Variants in STIM1 observed in about 807,000 individuals in gnomAD.
The protein encoded by STIM1 is stromal interaction molecule 1.
Under a neutral mutation model 74.7 loss-of-function variants are expected in STIM1, and 25 were observed. The observed-to-expected ratio is 0.33, with a 90% CI of 0.24 to 0.47. The LOEUF (loss-of-function observed/expected upper bound fraction) is 0.47, where lower values mean the gene tolerates loss of function less well. STIM1 is among the 20% of genes least tolerant of loss of function. STIM1 has a pLI of 1.00. For synonymous variants in STIM1, 328 were observed against 348.8 expected, an observed-to-expected ratio of 0.94 and a Z score of 0.66; for missense variants, 728 against 920.8, an observed-to-expected ratio of 0.79 and a Z score of 2.71.
chr11:3,989,873 A>C (rs2093593047), intron 2 of STIM1, among the ~76,000 whole-genome samples: 1 of 152,226 alleles, frequency 6.6e-6, no homozygotes, highest in African/African-American at 2.4e-5. Flanking sequence ...CTAACCTATC[A>C]ATTTTAAAAA....
chr11:4,025,551 T>A (rs1381813629), intron 3 of STIM1, among the ~76,000 whole-genome samples: 1 of 152,210 alleles, frequency 6.6e-6, no homozygotes, highest in Non-Finnish European at 1.5e-5. Flanking sequence ...TAGTTTTGGC[T>A]TTCTTATTTT....
intron 1 of STIM1, among the ~76,000 whole-genome samples, chr11:3,952,857 C>T (rs527708770): frequency 6.6e-6 from 1 of 152,276 alleles, no homozygotes; most frequent in East Asian, 1.9e-4. Context: ...GGCTGTCTAC[C>T]AGGAGTCTGA....
chr11:3,894,082 C>G (rs2091982106), intron 1 of STIM1, among the ~76,000 whole-genome samples: 1 of 151,930 alleles, frequency 6.6e-6, no homozygotes, highest in Non-Finnish European at 1.5e-5. Flanking sequence ...CCAATTTGAA[C>G]TATATTTGAA....
chr11:4,013,736 C>T (rs1442177535), intron 2 of STIM1, among the ~76,000 whole-genome samples: 1 of 120,104 alleles, frequency 8.3e-6, no homozygotes, highest in Non-Finnish European at 1.6e-5. Context: ...ACAGAGTATC[C>T]CTTTGTCACC....
At chr11:3,901,040 A>C (rs2092334113) in intron 1 of STIM1, among the ~76,000 whole-genome samples, 5 of 152,100 alleles carry the variant, frequency 3.3e-5, no homozygotes, top group Admixed American at 2.6e-4. Flanking sequence ...AAAATACAAA[A>C]ATTAGCCGGG....
chr11:3,861,524 C>T (rs1160108253), intron 1 of STIM1, among the ~76,000 whole-genome samples: 4 of 152,128 alleles, frequency 2.6e-5, no homozygotes, highest in African/African-American at 7.2e-5. Context: ...TGAGCCACCG[C>T]GCCTGGCCTC....
At chr11:3,993,766 C>T (rs754157049) in intron 2 of STIM1, among the ~76,000 whole-genome samples, 3 of 152,166 alleles carry the variant, frequency 2.0e-5, no homozygotes, top group South Asian at 2.1e-4. Context: ...ATGAAATCTG[C>T]ACCTCTACTC....
chr11:4,076,204 A>T (rs1353261294), intron 7 of STIM1, among the ~76,000 whole-genome samples: 3 of 152,024 alleles, frequency 2.0e-5, no homozygotes, highest in Admixed American at 1.3e-4. Flanking sequence ...TGATTGATGC[A>T]GTCAGGCGCC....
chr11:3,856,324 C>G lies in STIM1; in HGVS notation c.54C>G (p.His18Gln). 7 of 1,614,206 alleles carry G rather than the reference C, an allele frequency of 4.3e-6. No individual in the cohort carries two copies. The highest frequency in any genetic ancestry group is 5.9e-6 in the Non-Finnish European group (7 of 1,180,036). ...GGCTCCTCTGGGGACTCCTCCTGCA[C>G]CAGGGCCAGAGCCTCAGCCATAGTC... is the stretch of plus-strand genomic sequence containing the variant. ...ALWLLWGLLL[H>Q]QGQSLSHSHS... Residue 18 changes from histidine (H) to glutamine (Q), a missense_variant, in exon 1 of 13, where the codon CAC becomes CAG. Coordinates refer to ENST00000526596, the MANE Select transcript of STIM1 (RefSeq NM_001382567.1).
In STIM1 at chr11:4,082,783, TGCTAGGAGGA is replaced by T. The variant is rs2094472008; in HGVS notation, c.1138-97_1138-88del. 6 of 926,074 alleles carry T rather than the reference TGCTAGGAGGA, an allele frequency of 6.5e-6. No homozygotes were observed. In the South Asian group the frequency reaches 8.1e-5, roughly 12 times the overall value. The allele number at this position is 926,074 out of a possible 1,614,324, so 57.4% of individuals were successfully genotyped here. A position where few individuals can be genotyped will look rare whatever the true frequency, so the allele number is the denominator to read the frequency against. ...CCCTTTCCTTGTACAGCCTCAGTTG[TGCTAGGAGGA>T]GTGGGCCCCAGCCATAGGGGAAGGC... On this transcript the variant is annotated intron_variant, in intron 8 of 12. Coordinates refer to ENST00000526596, the MANE Select transcript of STIM1 (RefSeq NM_001382567.1).
intron 3 of STIM1, among the ~76,000 whole-genome samples, chr11:4,024,619 T>G (rs2093984114): frequency 6.6e-6 from 1 of 152,232 alleles, no homozygotes; most frequent in African/African-American, 2.4e-5. Flanking sequence ...AAGTGTGATT[T>G]TATCATCACG....
chr11:3,916,196 A>G (rs2092640191), intron 1 of STIM1, among the ~76,000 whole-genome samples: 1 of 152,208 alleles, frequency 6.6e-6, no homozygotes, highest in South Asian at 2.1e-4. Flanking sequence ...ACTTATATTT[A>G]GGTCATTGAT....
chr11:3,915,449 G>A (rs1269110468), intron 1 of STIM1, among the ~76,000 whole-genome samples: 2 of 150,942 alleles, frequency 1.3e-5, no homozygotes, highest in East Asian at 2.0e-4. Flanking sequence ...CCAGGCTGGA[G>A]TGCAGTGGTG....
At chr11:3,928,114 A>G (rs190843114) in intron 1 of STIM1, among the ~76,000 whole-genome samples, 18 of 152,136 alleles carry the variant, frequency 1.2e-4, no homozygotes, top group African/African-American at 3.9e-4. Context: ...TACTGCCAAT[A>G]TGTGTCTGTT....
rs771348972 is a variant in STIM1, at chr11:3,856,371, C to A, written c.101C>A (p.Thr34Asn). 16 of 1,614,086 alleles carry A rather than the reference C, an allele frequency of 9.9e-6. No individual in the cohort carries two copies. Among genetic ancestry groups the A allele is most frequent in the South Asian group, 1.1e-5 (1 of 91,096 alleles). Reference sequence around the variant, plus strand: ...AGTCACAGTGAGAAGGCGACAGGAACCAGCTCGGGGGCCAACTCTGAGGAG... The same window carrying A: ...AGTCACAGTGAGAAGGCGACAGGAAACAGCTCGGGGGCCAACTCTGAGGAG... ...SHSHSEKATG[T>N]SSGANSEEST... The change falls in exon 1 of 13, where the codon ACC becomes AAC. Residue 34 changes from threonine (T) to asparagine (N), a missense_variant. Thr to Asn is a moderately conservative substitution (Grantham distance 65). Coordinates refer to ENST00000526596, the MANE Select transcript of STIM1 (RefSeq NM_001382567.1).
chr11:3,892,864 G>A (rs2091939721), intron 1 of STIM1: 13 of 1,596,534 alleles, frequency 8.1e-6, no homozygotes, highest in African/African-American at 1.3e-5. Context: ...CAGCAATGTC[G>A]AAGAACACGG....
intron 12 of STIM1, 104 bp from the exon 13 acceptor site, chr11:4,091,178 C>A: frequency 6.5e-7 from 1 of 1,532,642 alleles, no homozygotes; most frequent in Non-Finnish European, 9.0e-7. Flanking sequence ...CATTTTCCTA[C>A]CCTGTCCTTG....
intron 1 of STIM1, among the ~76,000 whole-genome samples, chr11:3,879,436 T>C (rs2135312911): frequency 6.6e-6 from 1 of 152,366 alleles, no homozygotes; most frequent in South Asian, 2.1e-4. Context: ...ACTGTTTCAC[T>C]TTCTGTTGGT....
At chr11:4,087,001 T>G in intron 12 of STIM1, 1 of 1,276,670 alleles carries the variant, frequency 7.8e-7, no homozygotes. Flanking sequence ...TGTTCCCAGC[T>G]CTGGGATTCC....
Sources: gnomAD v4.1 joint callset for allele counts (sites outside exome capture counted in the v4.1 genomes callset) on GRCh38, gnomAD v4.1.1 for gene constraint, MANE v1.5 for transcripts, NCBI Gene and HGNC (gene_info 2026-07-23, HGNC 2026-07-21) for gene names.